Variants in SMAP1 observed in about 807,000 individuals in gnomAD.
The protein encoded by SMAP1 is small ArfGAP 1.
SMAP1 carries 24 observed loss-of-function variants against 58.5 expected under a neutral mutation model. The observed-to-expected ratio is 0.41, with a 90% confidence interval of 0.30 to 0.58. SMAP1 has a LOEUF of 0.58. SMAP1 is among the 20% of genes least tolerant of loss of function. The probability of loss-of-function intolerance (pLI) is 0.29; values close to 1 mark genes in which losing one functional copy is unlikely to be tolerated. For missense variants in SMAP1, 563 were observed against 566.3 expected (o/e 0.99, Z 0.06); for synonymous variants, 216 against 196.6 (o/e 1.10, Z -0.82).
At chr6:70,809,038 G>T (rs985557374) in intron 6 of SMAP1, among the ~76,000 whole-genome samples, 1 of 151,842 alleles carries the variant, frequency 6.6e-6, no homozygotes, top group Non-Finnish European at 1.5e-5. Flanking sequence ...AGTATGTATT[G>T]TGATATTTTT....
intron 3 of SMAP1, among the ~76,000 whole-genome samples, chr6:70,767,856 T>C (rs1767070116): frequency 1.4e-5 from 2 of 141,152 alleles, no homozygotes; most frequent in African/African-American, 5.4e-5. Context: ...CTTCCAGTTT[T>C]TGCCCATTCA....
intron 1 of SMAP1, among the ~76,000 whole-genome samples, chr6:70,693,119 G>T (rs1200212122): frequency 1.3e-5 from 2 of 151,818 alleles, no homozygotes; most frequent in Admixed American, 6.6e-5. Flanking sequence ...ATGCTGTTTT[G>T]GTTACTATAG....
chr6:70,836,852 C>A, intron 6 of SMAP1, 89 bp from the exon 7 acceptor site: 1 of 989,070 alleles, frequency 1.0e-6, no homozygotes, highest in South Asian at 2.0e-5. Context: ...TTTACACTAA[C>A]TTTATCAGAA....
intron 6 of SMAP1, among the ~76,000 whole-genome samples, chr6:70,816,501 C>T (rs1248212060): frequency 6.6e-6 from 1 of 152,146 alleles, no homozygotes; most frequent in Non-Finnish European, 1.5e-5. Flanking sequence ...TTAGCCTAAC[C>T]TGCTTCTCAA....
rs1006179304 is a variant in SMAP1, at chr6:70,858,040, G to A, written c.1080G>A (p.Met360Ile). The change falls in exon 10 of 11, where the codon ATG becomes ATA. Residue 360 changes from methionine to isoleucine, a missense_variant. Physicochemically the swap from Met to Ile is conservative, Grantham distance 10. Coordinates refer to ENST00000370455, the MANE Select transcript of SMAP1 (RefSeq NM_001044305.3). ...PAAPGLIGNVMGQSPSMMVGM... is the reference protein window; with the variant it reads ...PAAPGLIGNVIGQSPSMMVGM... The stretch of plus-strand genomic sequence containing the variant: ...CTCCTGGCCTTATAGGAAATGTGAT[G>A]GGACAGAGTCCAAGCATGATGGTGG... The A allele has an allele frequency of 4.3e-6, 7 of 1,613,970 alleles. No homozygotes were observed. Among genetic ancestry groups the A allele is most frequent in the African/African-American group, 2.7e-5 (2 of 74,892 alleles).
chr6:70,856,937 A>G lies in SMAP1; in HGVS notation c.868A>G (p.Thr290Ala), dbSNP rs760527958. The change falls in exon 9 of 11, where the codon ACA becomes GCA. Residue 290 changes from threonine (T) to alanine (A), a missense_variant. This residue lies in a region of SMAP1 where 494 missense variants were observed against 473.8 expected (regional missense o/e 1.04). Coordinates refer to ENST00000370455, the MANE Select transcript of SMAP1 (RefSeq NM_001044305.3). ...GDLDLFTEQTTKSEEVAKKQL... is the reference protein window; with the variant it reads ...GDLDLFTEQTAKSEEVAKKQL... ...TCTAGATTTATTCACTGAGCAAACT[A>G]CAAAATCAGAAGAAGTGGCAAAGAA... 1.9e-6 allele frequency: 3 copies of G among 1,614,056 alleles called. No homozygotes were observed. The highest frequency in any genetic ancestry group is 1.7e-5 in the Admixed American group (1 of 60,032).
chr6:70,718,157 G>A (rs748386990), intron 1 of SMAP1, among the ~76,000 whole-genome samples: 31 of 151,764 alleles, frequency 2.0e-4, no homozygotes, highest in Non-Finnish European at 3.8e-4. Flanking sequence ...ACATGTGTAC[G>A]TATGCATATT....
intron 1 of SMAP1, among the ~76,000 whole-genome samples, chr6:70,711,719 G>C (rs926170225): frequency 6.6e-6 from 1 of 151,794 alleles, no homozygotes; most frequent in Non-Finnish European, 1.5e-5. Flanking sequence ...GTAGAGATGG[G>C]GTTTCACTAT....
intron 10 of SMAP1, chr6:70,859,690 T>G (rs755400768): frequency 2.6e-5 from 6 of 227,842 alleles, no homozygotes; most frequent in Non-Finnish European, 5.1e-5. Context: ...CATGTAATCT[T>G]ATGCTTTATT....
Position 70,860,687 on chromosome 6 carries a change from G to A in SMAP1, c.*353G>A, listed in dbSNP as rs1219092139. ...TATCATGTTAGTAATACCTCTAATA[G>A]TATAAACCCCACCCCAAAATTAGCC... is the stretch of plus-strand genomic sequence containing the variant. On this transcript the variant is annotated 3_prime_UTR_variant, in exon 11 of 11. Coordinates refer to ENST00000370455, the MANE Select transcript of SMAP1 (RefSeq NM_001044305.3). The A allele has an allele frequency of 5.0e-6, 2 of 403,840 alleles. No homozygotes were observed. Among genetic ancestry groups the A allele is most frequent in the Middle Eastern group, 6.2e-4 (1 of 1,624 alleles). 25.0% of individuals were successfully genotyped at this position (403,840 alleles called of 1,614,324 possible).
rs1771707186 is a variant in SMAP1 at position 70,861,151 on chromosome 6, A to C, written c.*817A>C. Reference sequence around the variant, plus strand: ...TGACAAAATGTTATTTCCCTACATTAAACATGACTCCATAGACCTTTTCAT... The same window carrying C: ...TGACAAAATGTTATTTCCCTACATTCAACATGACTCCATAGACCTTTTCAT... On this transcript the variant is annotated 3_prime_UTR_variant, in exon 11 of 11. Coordinates refer to ENST00000370455, the MANE Select transcript of SMAP1 (RefSeq NM_001044305.3). 6.1e-6 allele frequency: 1 copy of C among 163,548 alleles called. No homozygotes were observed. Among genetic ancestry groups the C allele is most frequent in the Non-Finnish European group, 1.3e-5 (1 of 75,546 alleles). 10.1% of individuals were successfully genotyped at this position (163,548 alleles called of 1,614,324 possible). A position where few individuals can be genotyped will look rare whatever the true frequency, so the allele number is the denominator to read the frequency against.
intron 6 of SMAP1, among the ~76,000 whole-genome samples, chr6:70,802,038 C>A (rs1357635086): frequency 3.3e-5 from 5 of 152,086 alleles, no homozygotes; most frequent in Admixed American, 3.3e-4. Flanking sequence ...GTAGTTTTTT[C>A]CAATTCTGTG....
intron 6 of SMAP1, among the ~76,000 whole-genome samples, chr6:70,823,369 G>T (rs1160565957): frequency 6.6e-6 from 1 of 152,156 alleles, no homozygotes; most frequent in Non-Finnish European, 1.5e-5. Context: ...CACCCCTTAG[G>T]TGAGACAGGA....
At chr6:70,860,147 A>AGAATT in intron 10 of SMAP1, 53 bp from the exon 11 acceptor site, 1 of 1,515,908 alleles carries the variant, frequency 6.6e-7, no homozygotes, top group Non-Finnish European at 8.8e-7. Flanking sequence ...TAAAGAAACA[A>AGAATT]GAATTAAAAG....
chr6:70,825,265 G>A (rs1237394223), intron 6 of SMAP1, among the ~76,000 whole-genome samples: 1 of 152,160 alleles, frequency 6.6e-6, no homozygotes, highest in Non-Finnish European at 1.5e-5. Flanking sequence ...AGACTGCATA[G>A]GTTGCAAACC....
At chr6:70,747,798 T>G (rs1315340338) in intron 2 of SMAP1, among the ~76,000 whole-genome samples, 1 of 152,024 alleles carries the variant, frequency 6.6e-6, no homozygotes, top group African/African-American at 2.4e-5. Flanking sequence ...ATTGCATTGC[T>G]TACAAAAAAG....
chr6:70,818,039 A>G (rs937205708), intron 6 of SMAP1, among the ~76,000 whole-genome samples: 3 of 151,904 alleles, frequency 2.0e-5, no homozygotes, highest in African/African-American at 7.3e-5. Context: ...TTCCATTCCC[A>G]TTTCTCCATT....
intron 4 of SMAP1, among the ~76,000 whole-genome samples, chr6:70,786,808 C>A (rs1344183987): frequency 6.7e-6 from 1 of 148,536 alleles, no homozygotes; most frequent in African/African-American, 2.4e-5. Flanking sequence ...TAAAAGAGGA[C>A]ACAAATGGAA....
intron 7 of SMAP1, among the ~76,000 whole-genome samples, chr6:70,848,649 T>TG (rs1399020970): frequency 6.6e-6 from 1 of 152,204 alleles, no homozygotes; most frequent in Non-Finnish European, 1.5e-5. Context: ...CTTCTCATCT[T>TG]GCATCGGGAC....
Sources: gnomAD v4.1 joint callset for allele counts (sites outside exome capture counted in the v4.1 genomes callset) on GRCh38, gnomAD v4.1.1 for gene constraint, gnomAD v4.1.1 regional missense constraint, MANE v1.5 for transcripts, NCBI Gene and HGNC (gene_info 2026-07-23, HGNC 2026-07-21) for gene names.